Variants in LEP observed in about 807,000 individuals in gnomAD.
LEP encodes leptin.
A neutral mutation model predicts 9.8 loss-of-function variants in LEP; 6 were observed. That is an observed-to-expected ratio of 0.61 (90% CI 0.34 to 1.21). The LOEUF (loss-of-function observed/expected upper bound fraction) is 1.21, where lower values mean the gene tolerates loss of function less well. Ranked by LOEUF, LEP falls within the 50% of genes most tolerant of loss-of-function variation. The probability of loss-of-function intolerance (pLI) is 0.04; values close to 1 mark genes in which losing one functional copy is unlikely to be tolerated. For synonymous variants in LEP, 112 were observed against 81.7 expected (o/e 1.37, Z -2.00); for missense variants, 134 against 198.1 (o/e 0.68, Z 1.94).
At chr7:128,244,038 C>T (rs1292438984) in intron 1 of LEP, among the ~76,000 whole-genome samples, 3 of 151,574 alleles carry the variant, frequency 2.0e-5, no homozygotes, top group Non-Finnish European at 4.4e-5. Context: ...CACTGGAGCC[C>T]AGGAGTTCCA....
In LEP at chr7:128,254,869, G is replaced by A. The variant is rs200618442; in HGVS notation, c.*106G>A. On this transcript the variant is annotated 3_prime_UTR_variant, in exon 3 of 3. Transcript: ENST00000308868. ...CATTGCATGGACACCCCTTATCCAG[G>A]ACTCTGTCAATTTCCCTGACTCCTC... The A allele has an allele frequency of 4.2e-5, 54 of 1,286,070 alleles. No individual in the cohort carries two copies. Among genetic ancestry groups the A allele is most frequent in the Non-Finnish European group, 5.8e-5 (53 of 911,782 alleles). 79.7% of individuals were successfully genotyped at this position (1,286,070 alleles called of 1,614,324 possible).
rs779501960 is a variant in LEP, at chr7:128,254,514, C to A, written c.255C>A (p.Ile85=). The change falls in exon 3 of 3, where the codon ATC becomes ATA. Residue 85 remains isoleucine, a synonymous_variant. Coordinates refer to ENST00000308868, the MANE Select transcript of LEP (RefSeq NM_000230.3). ...MDQTLAVYQQ[I]LTSMPSRNVI... ...AGACACTGGCAGTCTACCAACAGAT[C>A]CTCACCAGTATGCCTTCCAGAAACG... 7 of 1,614,090 alleles carry A rather than the reference C, an allele frequency of 4.3e-6. No homozygotes were observed. In the East Asian group the frequency reaches 1.6e-4, roughly 36 times the overall value.
chr7:128,244,146 G>T (rs1467689611), intron 1 of LEP, among the ~76,000 whole-genome samples: 1 of 151,954 alleles, frequency 6.6e-6, no homozygotes, highest in Non-Finnish European at 1.5e-5. Flanking sequence ...CTACTTGGGA[G>T]GCTGAGAGGT....
intron 1 of LEP, among the ~76,000 whole-genome samples, chr7:128,245,904 A>G (rs948179390): frequency 6.6e-6 from 1 of 151,962 alleles, no homozygotes; most frequent in African/African-American, 2.4e-5. Flanking sequence ...TCTACTAAAA[A>G]TACAAAAATT....
intron 2 of LEP, among the ~76,000 whole-genome samples, chr7:128,252,857 C>T (rs904970448): frequency 6.6e-5 from 10 of 152,084 alleles, no homozygotes; most frequent in African/African-American, 2.4e-4. Context: ...CAAGACCAGC[C>T]TGGGCAACAT....
chr7:128,242,754 G>A (rs1304129688), intron 1 of LEP, among the ~76,000 whole-genome samples: 1 of 152,320 alleles, frequency 6.6e-6, no homozygotes, highest in East Asian at 1.9e-4. Context: ...CAGAGCCAGG[G>A]AAGTTGCAAT....
chr7:128,250,858 A>G (rs1215892458), intron 1 of LEP, among the ~76,000 whole-genome samples: 1 of 152,200 alleles, frequency 6.6e-6, no homozygotes, highest in African/African-American at 2.4e-5. Flanking sequence ...TATACTTAGC[A>G]TGGATCATTG....
Position 128,252,106 on chromosome 7 carries a change from G to A in LEP, c.88G>A (p.Asp30Asn). 6.2e-7 allele frequency: 1 copy of A among 1,614,130 alleles called. No individual in the cohort carries two copies. Among genetic ancestry groups the A allele is most frequent in the South Asian group, 1.1e-5 (1 of 91,082 alleles). ...TGTGCCCATCCAAAAAGTCCAAGAT[G>A]ACACCAAAACCCTCATCAAGACAAT... is the stretch of plus-strand genomic sequence containing the variant. ...QAVPIQKVQDDTKTLIKTIVT... is the reference protein window; with the variant it reads ...QAVPIQKVQDNTKTLIKTIVT... Residue 30 changes from aspartate (D) to asparagine (N), a missense_variant, in exon 2 of 3, where the codon GAC (aspartate) becomes AAC (asparagine). Transcript: ENST00000308868.
chr7:128,254,190 G>A (rs1795308212), intron 2 of LEP, among the ~76,000 whole-genome samples: 2 of 152,148 alleles, frequency 1.3e-5, no homozygotes, highest in Admixed American at 1.3e-4. Context: ...GTGGAGGGAA[G>A]GATGGTGTGG....
chr7:128,241,529 A>C (rs1795151546), intron 1 of LEP, among the ~76,000 whole-genome samples: 1 of 152,222 alleles, frequency 6.6e-6, no homozygotes, highest in Admixed American at 6.5e-5. Flanking sequence ...GGTGCCCAGA[A>C]GGCAGGACCT....
At chr7:128,243,395 C>T (rs561034891) in intron 1 of LEP, among the ~76,000 whole-genome samples, 185 of 152,212 alleles carry the variant, frequency 1.2e-3, no homozygotes, top group Non-Finnish European at 2.2e-3. Context: ...GAAGAGAAAC[C>T]GCAGAGAAGA....
chr7:128,244,062 A>G (rs1360884385), intron 1 of LEP, among the ~76,000 whole-genome samples: 1 of 145,288 alleles, frequency 6.9e-6, no homozygotes, highest in African/African-American at 2.6e-5. Flanking sequence ...CAGCTGGGGC[A>G]ACATGGCAAA....
intron 1 of LEP, among the ~76,000 whole-genome samples, 185 bp downstream of exon 1, chr7:128,241,491 A>G (rs1795151050): frequency 2.0e-5 from 3 of 152,118 alleles, no homozygotes; most frequent in African/African-American, 7.2e-5. Context: ...GGAGCTGGGG[A>G]GCGTTGGATT....
chr7:128,254,336 G>C (rs1377498943), intron 2 of LEP, 68 bp from the exon 3 acceptor site: 2 of 1,594,930 alleles, frequency 1.3e-6, no homozygotes, highest in Non-Finnish European at 1.7e-6. Flanking sequence ...CCACGGGGAA[G>C]GCAGAGGGCT....
chr7:128,254,160 C>G (rs1795307873), intron 2 of LEP, among the ~76,000 whole-genome samples: 1 of 152,128 alleles, frequency 6.6e-6, no homozygotes, highest in East Asian at 1.9e-4. Context: ...AAGGAATGAC[C>G]TAGGAAAGTT....
chr7:128,254,100 A>G (rs893735311), intron 2 of LEP, among the ~76,000 whole-genome samples: 1 of 152,222 alleles, frequency 6.6e-6, no homozygotes, highest in African/African-American at 2.4e-5. Context: ...ACTCCACTAA[A>G]TAAAACATAT....
At chr7:128,246,547 G>A (rs988383143) in intron 1 of LEP, among the ~76,000 whole-genome samples, 17 of 151,974 alleles carry the variant, frequency 1.1e-4, no homozygotes, top group Admixed American at 7.9e-4. Flanking sequence ...TCGACATCCT[G>A]GGCTCAGGCA....
intron 1 of LEP, among the ~76,000 whole-genome samples, chr7:128,244,984 A>G (rs1795194904): frequency 6.6e-6 from 1 of 152,224 alleles, no homozygotes; most frequent in Non-Finnish European, 1.5e-5. Flanking sequence ...CTGGCCAGGC[A>G]ATTGTAGCCA....
chr7:128,248,755 A>T (rs149386046), intron 1 of LEP, among the ~76,000 whole-genome samples: 5 of 152,318 alleles, frequency 3.3e-5, no homozygotes, highest in Non-Finnish European at 7.4e-5. Context: ...TGTGTACACT[A>T]CCGAGGCTTC....
Sources: allele counts gnomAD v4.1 joint callset (sites outside exome capture counted in the v4.1 genomes callset), GRCh38; gene constraint gnomAD v4.1.1; transcripts MANE v1.5; gene names NCBI Gene and HGNC (gene_info 2026-07-23, HGNC 2026-07-21).